AMZ1: variants seen among roughly 807,000 people sequenced by gnomAD.
The protein encoded by AMZ1 is archaelysin family metallopeptidase 1, also known as archaemetzincin-1.
AMZ1 carries 39 observed loss-of-function variants against 29.9 expected under a neutral mutation model. The observed-to-expected ratio is 1.30, with a 90% CI of 1.01 to 1.70. The LOEUF (loss-of-function observed/expected upper bound fraction) is 1.70, where lower values mean the gene tolerates loss of function less well. Ranked by LOEUF, AMZ1 falls within the 40% of genes most tolerant of loss-of-function variation. The probability of loss-of-function intolerance (pLI) is 0.00; values close to 1 mark genes in which losing one functional copy is unlikely to be tolerated. For missense variants in AMZ1, 1,041 were observed against 680.6 expected (o/e 1.53, Z -5.89); for synonymous variants, 458 against 304.0 (o/e 1.51, Z -5.27).
At position 2,702,712 on chromosome 7, in the gene AMZ1, C is replaced by G. The variant is rs112591562; in HGVS notation, c.305-10C>G. The G allele has an allele frequency of 3.9e-6, 6 of 1,522,650 alleles. No individual in the cohort carries two copies. The highest frequency in any genetic ancestry group is 3.5e-6 in the Non-Finnish European group (4 of 1,135,374). The allele number at this position is 1,522,650 out of a possible 1,614,324, so 94.3% of individuals were successfully genotyped here. On this transcript the variant is annotated splice_polypyrimidine_tract_variant and intron_variant, in intron 2 of 6. Coordinates refer to ENST00000683327, the MANE Select transcript of AMZ1 (RefSeq NM_001384743.1). Reference sequence around the variant, plus strand: ...GCGTCGCAGGGCTGACGGTGCTGCTCTCCCACCAGACCTGAGCGAGGAGCC... The same window carrying G: ...GCGTCGCAGGGCTGACGGTGCTGCTGTCCCACCAGACCTGAGCGAGGAGCC...
chr7:2,741,165 T>C (rs572097286), intron 4 of AMZ1, among the ~76,000 whole-genome samples: 26 of 152,350 alleles, frequency 1.7e-4, no homozygotes, highest in Admixed American at 3.3e-4. Flanking sequence ...TTTTACAGTA[T>C]GTTTTAAGGT....
At chr7:2,732,654 C>T (rs1381097397) in intron 4 of AMZ1, among the ~76,000 whole-genome samples, 5 of 152,194 alleles carry the variant, frequency 3.3e-5, no homozygotes, top group African/African-American at 1.2e-4. Flanking sequence ...CGGACATGAT[C>T]ATGCCTCGAT....
chr7:2,731,542 A>G lies in AMZ1; in HGVS notation n.550+21726A>G. On this transcript the variant is annotated intron_variant and non_coding_transcript_variant, in intron 4 of 4. Transcript: ENST00000489665. The surrounding 1 kb of genome is among the most constrained non-coding windows in gnomAD (Gnocchi z 6.0). ...CAGCCGGTTGGTGCGCCTGTCCTCC[A>G]TGAGGACCTGGTCGTACTCGCTGGA... 9 of 1,611,336 alleles carry G rather than the reference A, an allele frequency of 5.6e-6. No individual in the cohort carries two copies. The highest frequency in any genetic ancestry group is 3.3e-4 in the Middle Eastern group (2 of 6,050).
rs1035491090 is a variant in AMZ1 at position 2,709,932 on chromosome 7, G to C, written c.948+116G>C. The C allele has an allele frequency of 4.3e-6, 6 of 1,404,404 alleles. No individual in the cohort carries two copies. The African/African-American group carries it at 7.2e-5, about 17-fold the overall frequency. The allele number at this position is 1,404,404 out of a possible 1,614,324, so 87.0% of individuals were successfully genotyped here. On this transcript the variant is annotated intron_variant, in intron 6 of 6. Coordinates refer to ENST00000683327, the MANE Select transcript of AMZ1 (RefSeq NM_001384743.1). Reference sequence around the variant, plus strand: ...CGCACACAGGCTTTGTCAACTGCCGGGTTCCAGGCAGTGCAGAGCCCTGGG... The same window carrying C: ...CGCACACAGGCTTTGTCAACTGCCGCGTTCCAGGCAGTGCAGAGCCCTGGG...
Position 2,758,670 on chromosome 7 carries a change from C to G in AMZ1, n.551-6042C>G, listed in dbSNP as rs780305297. 4.2e-4 allele frequency among the ~76,000 whole-genome samples: 64 copies of G among 152,314 alleles called. 1 individual carries two copies. Among genetic ancestry groups the G allele is most frequent in the South Asian group, 8.3e-4 (4 of 4,818 alleles). On this transcript the variant is annotated intron_variant and non_coding_transcript_variant, in intron 4 of 4. Transcript: ENST00000489665. ...GGCCCCCACAGCACACTTGGAGGAA[C>G]CCCTGTGCTAGAGAGGTTGGTGCCT...
intron 3 of AMZ1, 131 bp downstream of exon 3, chr7:2,703,020 T>C: frequency 7.6e-7 from 1 of 1,307,340 alleles, no homozygotes; most frequent in Non-Finnish European, 1.0e-6. Flanking sequence ...ATTTCCCAGG[T>C]GTTTGGGAAG....
intron 4 of AMZ1, 82 bp downstream of exon 4, chr7:2,708,798 T>G: frequency 1.3e-6 from 2 of 1,595,094 alleles, no homozygotes; most frequent in Middle Eastern, 2.2e-4. Flanking sequence ...GCACCCTCTT[T>G]GCTTTTGCTT....
intron 1 of AMZ1, among the ~76,000 whole-genome samples, chr7:2,681,146 G>A (rs1786868691): frequency 6.6e-6 from 1 of 152,202 alleles, no homozygotes; most frequent in African/African-American, 2.4e-5. Flanking sequence ...GCTGAGCTCG[G>A]TGCCACTCAG....
rs150903831 is a variant in AMZ1, at chr7:2,690,158, A to G, written c.-219+1862A>G. Among the ~76,000 whole-genome samples, 55 of 152,274 alleles carry G rather than the reference A, an allele frequency of 3.6e-4. No individual in the cohort carries two copies. In the East Asian group the frequency reaches 9.1e-3, roughly 25 times the overall value. On this transcript the variant is annotated intron_variant, in intron 1 of 6. Coordinates refer to ENST00000683327, the MANE Select transcript of AMZ1 (RefSeq NM_001384743.1). ...TCTCATTCCTAGCTTGGAGCCTGTC[A>G]CACCATTCTCCAGTCTGCACTAGGA...
chr7:2,684,926 G>A (rs1312946808), upstream of AMZ1, among the ~76,000 whole-genome samples: 1 of 149,474 alleles, frequency 6.7e-6, no homozygotes, highest in Non-Finnish European at 1.5e-5. Context: ...CTGGAGTGCA[G>A]TGGCGCGATC....
chr7:2,751,896 G>T (rs921137124), intron 4 of AMZ1, among the ~76,000 whole-genome samples: 1 of 152,164 alleles, frequency 6.6e-6, no homozygotes, highest in African/African-American at 2.4e-5. Flanking sequence ...GAAAACTCCA[G>T]GCCTAGATGA....
At position 2,693,759 on chromosome 7, in the gene AMZ1, G is replaced by A. The variant is rs373092752; in HGVS notation, c.-219+5463G>A. On this transcript the variant is annotated intron_variant, in intron 1 of 6. Transcript: ENST00000683327. ...TTTAGTAGAGACAGGGTTTCACCGT[G>A]TTAGCCAGGATTGTCTTGATCTCCT... Among the ~76,000 whole-genome samples, 16 of 152,300 alleles carry A rather than the reference G, an allele frequency of 1.1e-4. No individual in the cohort carries two copies. In the East Asian group the frequency reaches 1.9e-3, roughly 18 times the overall value.
At position 2,703,202 on chromosome 7, in the gene AMZ1, C is replaced by T. The variant is rs774742216; in HGVS notation, c.472+313C>T. Among the ~76,000 whole-genome samples the T allele has an allele frequency of 7.2e-5, 11 of 152,090 alleles. No homozygotes were observed. The South Asian group carries it at 8.3e-4, about 12-fold the overall frequency. ...TGCTCTGTCACCCAGGCTGGAGTGC[C>T]GTGGCGCGATCTCGGCTCACTGCAA... On this transcript the variant is annotated intron_variant, in intron 3 of 6. Transcript: ENST00000683327.
At chr7:2,682,509 G>T (rs1251461277) in intron 1 of AMZ1, among the ~76,000 whole-genome samples, 2 of 152,166 alleles carry the variant, frequency 1.3e-5, no homozygotes, top group African/African-American at 4.8e-5. Flanking sequence ...CCCATGGCAG[G>T]GAAGAGGGCT....
rs772394941 is a variant in AMZ1, at chr7:2,708,632, CTG to C, written c.524_525del (p.Val175AlafsTer7). 6 of 1,613,088 alleles carry C rather than the reference CTG, an allele frequency of 3.7e-6. 1 individual carries two copies. The South Asian group carries it at 5.5e-5, about 15-fold the overall frequency. ...GAAGAACAACAAGCCAGGGGACGCG[CTG>C]TGTGTGCTGGGCCTCACACTGTCTG... ...FLKNNKPGDA[L>X]CVLGLTLSDL... On this transcript the variant is annotated frameshift_variant, in exon 4 of 7. Coordinates refer to ENST00000683327, the MANE Select transcript of AMZ1 (RefSeq NM_001384743.1). LOFTEE classifies it high-confidence loss of function.
chr7:2,726,932 C>T (rs978451711), intron 4 of AMZ1, among the ~76,000 whole-genome samples: 6 of 152,186 alleles, frequency 3.9e-5, no homozygotes, highest in South Asian at 2.1e-4. Context: ...CCGCTGGTCT[C>T]CAGAGCACGT....
intron 4 of AMZ1, among the ~76,000 whole-genome samples, chr7:2,744,657 A>C (rs969617278): frequency 3.3e-5 from 5 of 152,232 alleles, no homozygotes; most frequent in South Asian, 2.1e-4. Context: ...CAACGGAACA[A>C]AGCTGGATGG....
intron 3 of AMZ1, among the ~76,000 whole-genome samples, chr7:2,708,002 T>G (rs1006813729): frequency 1.3e-5 from 2 of 151,852 alleles, no homozygotes; most frequent in South Asian, 4.2e-4. Context: ...TTTGTATTTT[T>G]AGTAGAGATG....
At chr7:2,683,375 C>G (rs1425794018), upstream of AMZ1, among the ~76,000 whole-genome samples, 3 of 152,170 alleles carry the variant, frequency 2.0e-5, no homozygotes, top group African/African-American at 7.2e-5. Context: ...CCACTCCCAT[C>G]TCCGTCTTCT....
Sources: allele counts gnomAD v4.1 joint callset (sites outside exome capture counted in the v4.1 genomes callset), GRCh38; gene constraint gnomAD v4.1.1; non-coding constraint Gnocchi (gnomAD v3.1); transcripts MANE v1.5; gene names NCBI Gene and HGNC (gene_info 2026-07-23, HGNC 2026-07-21).